PCDHA4: variants seen among roughly 807,000 people sequenced by gnomAD.
PCDHA4 encodes the protein protocadherin alpha-4.
Under a neutral mutation model 61.4 loss-of-function variants are expected in PCDHA4, and 49 were observed. The observed-to-expected ratio is 0.80, with a 90% CI of 0.63 to 1.01. The LOEUF (loss-of-function observed/expected upper bound fraction) is 1.01, where lower values mean the gene tolerates loss of function less well. Ranked by LOEUF, PCDHA4 falls within the 50% of genes least tolerant of loss-of-function variation. PCDHA4 has a pLI of 0.00. For missense variants in PCDHA4, 1,254 were observed against 1,235.8 expected (o/e 1.01, Z -0.22); for synonymous variants, 590 against 550.3 (o/e 1.07, Z -1.01).
intron 1 of PCDHA4, chr5:140,927,853 G>T: frequency 6.2e-7 from 1 of 1,614,214 alleles, no homozygotes; most frequent in Non-Finnish European, 8.5e-7. Context: ...CTTTGGTTTA[G>T]CTAGCACCGC....
chr5:140,979,125 C>T (rs782380399), intron 2 of PCDHA4, 118 bp downstream of exon 2: 4 of 1,479,726 alleles, frequency 2.7e-6, no homozygotes, highest in African/African-American at 2.8e-5. Context: ...GGTACTTTGC[C>T]AGGAAAATGC....
At chr5:140,959,607 C>T (rs2095500489) in intron 1 of PCDHA4, among the ~76,000 whole-genome samples, 1 of 151,986 alleles carries the variant, frequency 6.6e-6, no homozygotes, top group African/African-American at 2.4e-5. Flanking sequence ...ACATGCTTTT[C>T]TTGCTTGTGA....
intron 1 of PCDHA4, chr5:140,817,686 C>G (rs2150098767): frequency 6.6e-6 from 1 of 152,170 alleles, no homozygotes; most frequent in African/African-American, 2.4e-5. Flanking sequence ...GTTCTAGACA[C>G]ACAGTACATT....
At chr5:140,989,373 C>A (rs1189877807) in intron 3 of PCDHA4, among the ~76,000 whole-genome samples, 1 of 152,088 alleles carries the variant, frequency 6.6e-6, no homozygotes, top group Non-Finnish European at 1.5e-5. Context: ...TGACTGAGAG[C>A]TTTGTGGGAA....
chr5:140,876,204 GC>G, intron 1 of PCDHA4: 1 of 1,613,934 alleles, frequency 6.2e-7, no homozygotes. Context: ...CGTTTGATAA[GC>G]CCAGCTATAA....
chr5:141,010,030 C>CTAG lies in PCDHA4; in HGVS notation c.*93_*94insTAG. The stretch of plus-strand genomic sequence containing the variant: ...ATTCCCTGCTCCTTTTTCCTATCTA[C>CTAG]ATGAGCCCTCTTAGAGACCTCAGAA... On this transcript the variant is annotated 3_prime_UTR_variant, in exon 4 of 4. Coordinates refer to ENST00000530339, the MANE Select transcript of PCDHA4 (RefSeq NM_018907.4). 1 of 1,580,910 alleles carries CTAG rather than the reference C, an allele frequency of 6.3e-7. No homozygotes were observed. Among genetic ancestry groups the CTAG allele is most frequent in the Admixed American group, 1.8e-5 (1 of 54,776 alleles).
At chr5:140,967,844 G>A in intron 1 of PCDHA4, 1 of 1,614,178 alleles carries the variant, frequency 6.2e-7, no homozygotes, top group Non-Finnish European at 8.5e-7. Flanking sequence ...GGACGTGAAT[G>A]ACAATGCCCC....
chr5:140,924,238 T>A (rs781820581), intron 1 of PCDHA4, among the ~76,000 whole-genome samples: 5 of 152,244 alleles, frequency 3.3e-5, no homozygotes, highest in Admixed American at 1.3e-4. Flanking sequence ...ATGGGCTGTT[T>A]TGCATCCTGG....
Position 140,839,190 on chromosome 5 carries a change from A to G in PCDHA4, c.2385+29618A>G, listed in dbSNP as rs185787528. Among the ~76,000 whole-genome samples, 211 of 138,022 alleles carry G rather than the reference A, an allele frequency of 1.5e-3. 1 individual carries two copies. The highest frequency in any genetic ancestry group is 4.2e-3 in the Admixed American group (57 of 13,704). The allele number at this position is 138,022 out of a possible 152,430, so 90.5% of individuals were successfully genotyped here. A position where few individuals can be genotyped will look rare whatever the true frequency, so the allele number is the denominator to read the frequency against. ...GATATTCAGTTTTGTGGAAAAATCTATAAATATCTTTGACCTTCAAAGATG... is the reference window on the plus strand; with the variant it reads ...GATATTCAGTTTTGTGGAAAAATCTGTAAATATCTTTGACCTTCAAAGATG... On this transcript the variant is annotated intron_variant, in intron 1 of 3. Transcript: ENST00000530339.
intron 1 of PCDHA4, chr5:140,877,744 G>A (rs200651425): frequency 6.2e-7 from 1 of 1,614,080 alleles, no homozygotes; most frequent in African/African-American, 1.3e-5. Flanking sequence ...GAGGCAGAGG[G>A]TGTGCTCTGC....
intron 1 of PCDHA4, chr5:140,929,773 G>A (rs554286771): frequency 5.8e-6 from 1 of 173,032 alleles, no homozygotes; most frequent in East Asian, 1.8e-4. Context: ...AACCACAAAA[G>A]ATGTAAAAAT....
chr5:140,963,529 C>T (rs1332936829), intron 1 of PCDHA4, among the ~76,000 whole-genome samples: 1 of 152,176 alleles, frequency 6.6e-6, no homozygotes, highest in Non-Finnish European at 1.5e-5. Flanking sequence ...ACAGAAGTCC[C>T]ATTTACTTCA....
At chr5:140,830,028 G>T (rs2150179935) in intron 1 of PCDHA4, 1 of 1,613,878 alleles carries the variant, frequency 6.2e-7, no homozygotes. Flanking sequence ...CCGCGCCACC[G>T]GCTGCTGGTG....
intron 1 of PCDHA4, chr5:140,842,643 T>C (rs1391862843): frequency 6.3e-7 from 1 of 1,595,190 alleles, no homozygotes; most frequent in Non-Finnish European, 8.6e-7. Flanking sequence ...ACCGCCAGCT[T>C]GTCTGTGGAG....
intron 1 of PCDHA4, among the ~76,000 whole-genome samples, chr5:140,878,691 A>G (rs2057689901): frequency 6.6e-6 from 1 of 152,168 alleles, no homozygotes; most frequent in Non-Finnish European, 1.5e-5. Context: ...AGTCTTACAT[A>G]CCCCAGCCTG....
At chr5:140,875,978 C>T (rs534648937) in intron 1 of PCDHA4, 2 of 1,613,976 alleles carry the variant, frequency 1.2e-6, no homozygotes, top group East Asian at 4.5e-5. Flanking sequence ...TCTCTTTTGA[C>T]CTATGCGTTA....
At chr5:140,947,956 A>G (rs1460892977) in intron 1 of PCDHA4, among the ~76,000 whole-genome samples, 2 of 151,570 alleles carry the variant, frequency 1.3e-5, no homozygotes, top group Non-Finnish European at 3.0e-5. Context: ...CATATTTTAC[A>G]ATTAAGTATG....
chr5:140,843,191 G>C lies in PCDHA4; in HGVS notation c.2385+33619G>C, dbSNP rs1201499380. 28 of 1,595,928 alleles carry C rather than the reference G, an allele frequency of 1.8e-5. 6 individuals are homozygous for C. Among genetic ancestry groups the C allele is most frequent in the Middle Eastern group, 1.7e-4 (1 of 6,014 alleles). On this transcript the variant is annotated intron_variant, in intron 1 of 3. Transcript: ENST00000530339. ...AAGCAGCCCTCGCATCCCGTTCCGC[G>C]TGGGGCTGTACACGGGCGAGATCAG...
intron 1 of PCDHA4, chr5:140,834,282 A>C: frequency 8.7e-7 from 1 of 1,148,074 alleles, no homozygotes; most frequent in Admixed American, 2.3e-5. Context: ...CTTTGGATGC[A>C]CAACAATGGC....
Sources: gnomAD v4.1 joint callset for allele counts (sites outside exome capture counted in the v4.1 genomes callset) on GRCh38, gnomAD v4.1.1 for gene constraint, MANE v1.5 for transcripts, NCBI Gene and HGNC (gene_info 2026-07-23, HGNC 2026-07-21) for gene names.